ANGPT1: variants seen among roughly 807,000 people sequenced by gnomAD.
ANGPT1 encodes the protein angiopoietin-1.
ANGPT1 carries 17 observed loss-of-function variants against 62.2 expected under a neutral mutation model. That is an observed-to-expected ratio of 0.27 (90% CI 0.19 to 0.41). The LOEUF (loss-of-function observed/expected upper bound fraction) is 0.41. Among genes scored for constraint, ANGPT1 ranks in the 10% least tolerant of loss-of-function variants. The pLI is 1.00. For missense variants in ANGPT1, 478 were observed against 594.9 expected (o/e 0.80, Z 2.04); for synonymous variants, 199 against 198.9 (o/e 1.00, Z 0.00).
intron 3 of ANGPT1, among the ~76,000 whole-genome samples, chr8:107,326,609 T>C (rs896348538): frequency 6.6e-6 from 1 of 152,124 alleles, no homozygotes; most frequent in African/African-American, 2.4e-5. Context: ...CCCTTCCTTG[T>C]CATTACTTCC....
Position 107,322,053 on chromosome 8 carries a change from C to T in ANGPT1, c.651G>A (p.Glu217=). 1 of 1,613,980 alleles carries T rather than the reference C, an allele frequency of 6.2e-7. No individual in the cohort carries two copies. The highest frequency in any genetic ancestry group is 1.1e-5 in the South Asian group (1 of 91,080). ...EELDTLKEEK[E]NLQGLVTRQT... The stretch of plus-strand genomic sequence containing the variant: ...GACGAGTAACCAAGCCTTGAAGGTT[C>T]TCTTTCTCTTCCTTTAAGGTGTCCA... The change falls in exon 4 of 9, where the codon GAG becomes GAA. Residue 217 remains glutamate, a synonymous_variant. Coordinates refer to ENST00000517746, the MANE Select transcript of ANGPT1 (RefSeq NM_001146.5).
chr8:107,472,485 A>C (rs1402467480), intron 1 of ANGPT1, among the ~76,000 whole-genome samples: 4 of 152,114 alleles, frequency 2.6e-5, no homozygotes, highest in Non-Finnish European at 5.9e-5. Flanking sequence ...GACTATCAAC[A>C]AACCTTATAG....
intron 1 of ANGPT1, among the ~76,000 whole-genome samples, chr8:107,433,904 C>T (rs1374730687): frequency 3.3e-5 from 5 of 152,186 alleles, no homozygotes; most frequent in African/African-American, 9.6e-5. Flanking sequence ...CTCACCCACA[C>T]ACAAATTTAT....
chr8:107,321,882 G>C lies in ANGPT1; in HGVS notation c.808+14C>G. 6.2e-7 allele frequency: 1 copy of C among 1,606,076 alleles called. No individual in the cohort carries two copies. The highest frequency in any genetic ancestry group is 1.7e-5 in the Admixed American group (1 of 59,936). On this transcript the variant is annotated intron_variant, in intron 4 of 8. Coordinates refer to ENST00000517746, the MANE Select transcript of ANGPT1 (RefSeq NM_001146.5). Reference sequence around the variant, plus strand: ...AAAATATTAACAATACCAAAGTGAGGAAGACATTCTTACCACCTTCTTTAG... The same window carrying C: ...AAAATATTAACAATACCAAAGTGAGCAAGACATTCTTACCACCTTCTTTAG...
intron 1 of ANGPT1, among the ~76,000 whole-genome samples, chr8:107,484,865 G>C (rs1221427041): frequency 6.6e-6 from 1 of 152,182 alleles, no homozygotes; most frequent in East Asian, 1.9e-4. Context: ...AATGCAAGCT[G>C]TACAACTAAA....
chr8:107,321,874 A>G (rs1380799417), intron 4 of ANGPT1, 22 bp downstream of exon 4: 1 of 1,598,186 alleles, frequency 6.3e-7, no homozygotes, highest in Admixed American at 1.7e-5. Flanking sequence ...TAACAATACC[A>G]AAGTGAGGAA....
chr8:107,284,546 G>A (rs1320945737), intron 7 of ANGPT1, 136 bp downstream of exon 7: 2 of 747,524 alleles, frequency 2.7e-6, no homozygotes, highest in East Asian at 6.8e-5. Context: ...GTACCTCTTT[G>A]TAATAGGTCT....
Position 107,454,865 on chromosome 8 carries a change from G to A in ANGPT1, c.297+42397C>T, listed in dbSNP as rs965799485. The stretch of plus-strand genomic sequence containing the variant: ...ACCTTAGTATGCTCTTATTGAGAAG[G>A]CAAAGAACAAACAATGGGAGATCTG... On this transcript the variant is annotated intron_variant, in intron 1 of 8. Transcript: ENST00000517746. Among the ~76,000 whole-genome samples, 5 of 152,014 alleles carry A rather than the reference G, an allele frequency of 3.3e-5. No individual in the cohort carries two copies. In the East Asian group the frequency reaches 9.7e-4, roughly 29 times the overall value.
chr8:107,451,101 A>G lies in ANGPT1; in HGVS notation c.297+46161T>C, dbSNP rs1811767093. Among the ~76,000 whole-genome samples the G allele has an allele frequency of 4.0e-5, 6 of 151,882 alleles. No individual in the cohort carries two copies. The South Asian group carries it at 1.2e-3, about 31-fold the overall frequency. ...CCATACCTTTAATCACGGCCAGAGA[A>G]AGTGGCTTCATATATATTTCTTAAA... is the stretch of plus-strand genomic sequence containing the variant. On this transcript the variant is annotated intron_variant, in intron 1 of 8. Coordinates refer to ENST00000517746, the MANE Select transcript of ANGPT1 (RefSeq NM_001146.5).
At chr8:107,262,608 A>C (rs908488324) in intron 8 of ANGPT1, among the ~76,000 whole-genome samples, 3 of 152,240 alleles carry the variant, frequency 2.0e-5, no homozygotes, top group Admixed American at 6.5e-5. Context: ...AGTGTTGGGA[A>C]AGGAAAATAT....
At chr8:107,392,334 C>T (rs2130306217) in intron 1 of ANGPT1, among the ~76,000 whole-genome samples, 1 of 152,164 alleles carries the variant, frequency 6.6e-6, no homozygotes, top group Non-Finnish European at 1.5e-5. Flanking sequence ...TATGTCTTTT[C>T]CCATATGCTC....
chr8:107,423,827 CTTTTTTTTTTTTTTTTT>C (rs869079818), intron 1 of ANGPT1, among the ~76,000 whole-genome samples: 5 of 74,436 alleles, frequency 6.7e-5, no homozygotes, highest in Non-Finnish European at 9.3e-5. Context: ...CTTTTCCTTT[CTTTTTTTTTTTTTTTTT>C]TTTTTTTTTT....
intron 1 of ANGPT1, among the ~76,000 whole-genome samples, chr8:107,387,700 T>A (rs560597267): frequency 6.6e-6 from 1 of 151,874 alleles, no homozygotes; most frequent in African/African-American, 2.4e-5. Context: ...GAGAAAAAAA[T>A]GGTAGGAAAT....
intron 1 of ANGPT1, among the ~76,000 whole-genome samples, chr8:107,416,859 T>C (rs796952398): frequency 5.3e-5 from 8 of 151,808 alleles, no homozygotes; most frequent in African/African-American, 1.9e-4. Context: ...TGGTGTGGTC[T>C]TGGCTCACTG....
chr8:107,276,052 G>A (rs1813857531), intron 7 of ANGPT1, among the ~76,000 whole-genome samples: 1 of 152,130 alleles, frequency 6.6e-6, no homozygotes. Context: ...TAAAGAAGGT[G>A]CAAAGTGACT....
At chr8:107,373,261 T>C (rs557354953) in intron 1 of ANGPT1, among the ~76,000 whole-genome samples, 1 of 114,128 alleles carries the variant, frequency 8.8e-6, no homozygotes, top group South Asian at 3.3e-4. Context: ...TTTAGTCAAG[T>C]ACAAAATAGA....
intron 1 of ANGPT1, among the ~76,000 whole-genome samples, chr8:107,419,590 C>A (rs1458381090): frequency 1.3e-5 from 2 of 152,052 alleles, no homozygotes; most frequent in Admixed American, 6.6e-5. Context: ...TTAAATAAAG[C>A]TTATTAAGTA....
intron 1 of ANGPT1, among the ~76,000 whole-genome samples, chr8:107,372,674 C>A (rs1455427712): frequency 6.6e-6 from 1 of 151,914 alleles, no homozygotes; most frequent in Non-Finnish European, 1.5e-5. Flanking sequence ...GAAAGTCTCA[C>A]AGAAATGCAG....
chr8:107,339,138 C>T (rs182366828), intron 2 of ANGPT1, among the ~76,000 whole-genome samples: 91 of 152,310 alleles, frequency 6.0e-4, no homozygotes, highest in African/African-American at 2.0e-3. Flanking sequence ...ATATCTCAGT[C>T]TGGAGACCAC....
Sources: allele counts gnomAD v4.1 joint callset (sites outside exome capture counted in the v4.1 genomes callset), GRCh38; gene constraint gnomAD v4.1.1; transcripts MANE v1.5; gene names NCBI Gene and HGNC (gene_info 2026-07-23, HGNC 2026-07-21).